The following TMEM132D variants were observed in gnomAD, a reference collection of about 807,000 sequenced individuals.
TMEM132D encodes transmembrane protein 132D.
In TMEM132D, 21 loss-of-function variants were observed where a neutral mutation model predicts 62.3. The ratio of observed to expected loss-of-function variants is 0.34; its 90% confidence interval spans 0.24 to 0.49. The LOEUF (loss-of-function observed/expected upper bound fraction) is 0.49, where lower values mean the gene tolerates loss of function less well. TMEM132D is among the 20% of genes least tolerant of loss of function. The probability of loss-of-function intolerance (pLI) is 0.99; values close to 1 mark genes in which losing one functional copy is unlikely to be tolerated. For missense variants in TMEM132D, 1,346 were observed against 1,402.8 expected (o/e 0.96, Z 0.65); for synonymous variants, 621 against 575.6 (o/e 1.08, Z -1.13).
intron 1 of TMEM132D, among the ~76,000 whole-genome samples, chr12:129,892,010 C>T (rs1874938907): frequency 6.6e-6 from 1 of 152,098 alleles, no homozygotes; most frequent in Non-Finnish European, 1.5e-5. Context: ...AAAATAAATG[C>T]AATGGGATAA....
chr12:129,622,173 G>A (rs554331829), intron 2 of TMEM132D, among the ~76,000 whole-genome samples: 25 of 152,276 alleles, frequency 1.6e-4, no homozygotes, highest in African/African-American at 6.0e-4. Context: ...GCCACACAAA[G>A]TCTGCATTTC....
intron 2 of TMEM132D, among the ~76,000 whole-genome samples, chr12:129,548,039 C>T (rs1374944786): frequency 2.0e-5 from 3 of 152,126 alleles, no homozygotes; most frequent in East Asian, 1.9e-4. Flanking sequence ...ACATGGATAC[C>T]GCCAGGCTAC....
At chr12:129,181,717 G>A (rs946742234) in intron 5 of TMEM132D, among the ~76,000 whole-genome samples, 1 of 152,106 alleles carries the variant, frequency 6.6e-6, no homozygotes, top group Non-Finnish European at 1.5e-5. Context: ...CTCTGCTTAG[G>A]ATGCCTTTGT....
chr12:129,525,063 C>T (rs1328363529), intron 3 of TMEM132D, among the ~76,000 whole-genome samples: 1 of 148,182 alleles, frequency 6.7e-6, no homozygotes, highest in Non-Finnish European at 1.5e-5. Context: ...GTAGCTGGGA[C>T]TACAGGCGCC....
chr12:129,424,800 G>A (rs769929259), intron 3 of TMEM132D, among the ~76,000 whole-genome samples: 9 of 148,962 alleles, frequency 6.0e-5, no homozygotes, highest in Non-Finnish European at 1.3e-4. Context: ...CAAGTGTATT[G>A]AGACATATTT....
chr12:129,770,052 T>C, intron 1 of TMEM132D, among the ~76,000 whole-genome samples: 1 of 151,440 alleles, frequency 6.6e-6, no homozygotes, highest in African/African-American at 2.4e-5. Context: ...ACTCCTGGGC[T>C]CAAGCAATCC....
intron 4 of TMEM132D, among the ~76,000 whole-genome samples, chr12:129,261,221 A>G (rs916898096): frequency 2.0e-4 from 30 of 152,286 alleles, no homozygotes; most frequent in African/African-American, 7.0e-4. Context: ...ATTGTGATGC[A>G]GTTTGGCTGT....
intron 2 of TMEM132D, among the ~76,000 whole-genome samples, chr12:129,637,361 G>A (rs1879510738): frequency 1.3e-5 from 2 of 152,170 alleles, no homozygotes; most frequent in South Asian, 4.2e-4. Context: ...TTGAATCTGT[G>A]TCCCTAATCA....
intron 3 of TMEM132D, among the ~76,000 whole-genome samples, chr12:129,437,053 T>A (rs1323753795): frequency 6.6e-6 from 1 of 152,178 alleles, no homozygotes; most frequent in Non-Finnish European, 1.5e-5. Context: ...CCTCTTGGAT[T>A]TAAGTTGGGG....
intron 2 of TMEM132D, among the ~76,000 whole-genome samples, chr12:129,631,062 T>C (rs892027955): frequency 6.6e-6 from 1 of 152,072 alleles, no homozygotes; most frequent in Non-Finnish European, 1.5e-5. Flanking sequence ...ACCTACCCCA[T>C]ATGGGGTAGG....
chr12:129,507,339 A>C (rs987496483), intron 3 of TMEM132D, among the ~76,000 whole-genome samples: 6 of 152,238 alleles, frequency 3.9e-5, no homozygotes. Context: ...CTACCATTTG[A>C]TCCAGCAATC....
chr12:129,218,088 T>A (rs1275392138), intron 4 of TMEM132D, among the ~76,000 whole-genome samples: 2 of 152,156 alleles, frequency 1.3e-5, no homozygotes, highest in African/African-American at 2.4e-5. Flanking sequence ...TTTGTCTCAT[T>A]TGTGGCACCT....
At chr12:129,725,687 G>A (rs1280056549) in intron 1 of TMEM132D, among the ~76,000 whole-genome samples, 1 of 152,206 alleles carries the variant, frequency 6.6e-6, no homozygotes, top group Non-Finnish European at 1.5e-5. Flanking sequence ...AGAGTGGTAA[G>A]GACAAGATTT....
intron 3 of TMEM132D, among the ~76,000 whole-genome samples, chr12:129,372,073 T>C (rs1002750801): frequency 2.0e-5 from 3 of 152,220 alleles, no homozygotes; most frequent in Non-Finnish European, 4.4e-5. Flanking sequence ...GCATTTGAGT[T>C]AGCAGACTGA....
chr12:129,587,805 T>G (rs986105944), intron 2 of TMEM132D, among the ~76,000 whole-genome samples: 3 of 152,144 alleles, frequency 2.0e-5, no homozygotes, highest in African/African-American at 7.2e-5. Context: ...TTCAGTGAGA[T>G]CAGGATGCTG....
At chr12:129,770,140 G>GTTT (rs375230592) in intron 1 of TMEM132D, among the ~76,000 whole-genome samples, 40,759 of 102,140 alleles carry the variant, frequency 0.4, 9,220 homozygotes, top group Non-Finnish European at 0.51. Flanking sequence ...GGTTTTTTTG[G>GTTT]TTGTTTTTTT....
intron 1 of TMEM132D, among the ~76,000 whole-genome samples, chr12:129,865,169 C>T (rs1326962024): frequency 6.6e-6 from 1 of 152,178 alleles, no homozygotes; most frequent in Non-Finnish European, 1.5e-5. Context: ...TGGAGGCGAC[C>T]TCTCTCATTG....
At chr12:129,214,894 C>T (rs1170944713) in intron 4 of TMEM132D, among the ~76,000 whole-genome samples, 1 of 152,270 alleles carries the variant, frequency 6.6e-6, no homozygotes, top group South Asian at 2.1e-4. Context: ...TTGTGGAAGA[C>T]GGTGTGGTGA....
chr12:129,590,320 G>A lies in TMEM132D; in HGVS notation c.969-59115C>T, dbSNP rs141393838. The stretch of plus-strand genomic sequence containing the variant: ...GTCAGAACTGCCACATTCTGACACC[G>A]CCACGGCTGGAACAGATCGCTGCAG... On this transcript the variant is annotated intron_variant, in intron 2 of 8. Coordinates refer to ENST00000422113, the MANE Select transcript of TMEM132D (RefSeq NM_133448.3). Among the ~76,000 whole-genome samples, 624 of 152,230 alleles carry A rather than the reference G, an allele frequency of 4.1e-3. 2 individuals are homozygous for A. Among genetic ancestry groups the A allele is most frequent in the African/African-American group, 0.014 (595 of 41,522 alleles).
Sources: gnomAD v4.1 joint callset for allele counts (sites outside exome capture counted in the v4.1 genomes callset) on GRCh38, gnomAD v4.1.1 for gene constraint, MANE v1.5 for transcripts, NCBI Gene and HGNC (gene_info 2026-07-23, HGNC 2026-07-21) for gene names.